CCDC73: variants seen among roughly 807,000 people sequenced by gnomAD.
CCDC73 encodes the protein coiled-coil domain containing 73.
CCDC73 carries 95 observed loss-of-function variants against 116.5 expected under a neutral mutation model. The ratio of observed to expected loss-of-function variants is 0.82; its 90% confidence interval spans 0.69 to 0.97. The LOEUF is 0.97. Among genes scored for constraint, CCDC73 ranks in the 50% least tolerant of loss-of-function variants. The probability of loss-of-function intolerance (pLI) is 0.00; values close to 1 mark genes in which losing one functional copy is unlikely to be tolerated. For missense variants in CCDC73, 1,066 were observed against 1,206.8 expected, an observed-to-expected ratio of 0.88 and a Z score of 1.73; for synonymous variants, 398 against 401.3, an observed-to-expected ratio of 0.99 and a Z score of 0.10.
intron 14 of CCDC73, among the ~76,000 whole-genome samples, chr11:32,622,796 G>A (rs1436191642): frequency 6.6e-6 from 1 of 151,172 alleles, no homozygotes; most frequent in Non-Finnish European, 1.5e-5. Flanking sequence ...TCAATTAATG[G>A]TATAACTATT....
intron 6 of CCDC73, among the ~76,000 whole-genome samples, chr11:32,685,605 G>A (rs1015821112): frequency 1.3e-5 from 2 of 152,036 alleles, no homozygotes; most frequent in African/African-American, 4.8e-5. Context: ...AAGGCAAGGG[G>A]ACCCAAATCA....
chr11:32,751,064 C>A (rs1045978129), intron 2 of CCDC73, among the ~76,000 whole-genome samples: 4 of 152,196 alleles, frequency 2.6e-5, no homozygotes, highest in Admixed American at 2.6e-4. Context: ...CCCTTCAAGG[C>A]AGCAGGTTTC....
chr11:32,763,506 TC>T (rs1208388101), intron 1 of CCDC73, among the ~76,000 whole-genome samples: 4 of 152,112 alleles, frequency 2.6e-5, no homozygotes, highest in African/African-American at 9.7e-5. Context: ...CCTGAAAGGG[TC>T]TTGAGTGGAC....
intron 1 of CCDC73, among the ~76,000 whole-genome samples, chr11:32,761,038 T>A (rs559360793): frequency 6.6e-6 from 1 of 152,270 alleles, no homozygotes; most frequent in South Asian, 2.1e-4. Context: ...TTCATATAAC[T>A]ATGACCTCAA....
intron 3 of CCDC73, among the ~76,000 whole-genome samples, chr11:32,717,618 A>G (rs1377608865): frequency 6.6e-6 from 1 of 152,246 alleles, no homozygotes; most frequent in African/African-American, 2.4e-5. Flanking sequence ...TAGAAAATTT[A>G]AAAATTAACT....
intron 9 of CCDC73, among the ~76,000 whole-genome samples, chr11:32,658,688 A>G (rs1333608970): frequency 6.6e-6 from 1 of 152,180 alleles, no homozygotes; most frequent in Non-Finnish European, 1.5e-5. Flanking sequence ...AGAAAAGAAC[A>G]CTGGCTAAGA....
intron 2 of CCDC73, among the ~76,000 whole-genome samples, chr11:32,728,142 T>C (rs1357545927): frequency 6.6e-6 from 1 of 151,952 alleles, no homozygotes; most frequent in East Asian, 1.9e-4. Flanking sequence ...TCCCAGCTAC[T>C]CAGGAGGCTG....
intron 2 of CCDC73, among the ~76,000 whole-genome samples, chr11:32,758,903 A>T (rs1344337510): frequency 1.3e-5 from 2 of 152,166 alleles, no homozygotes; most frequent in African/African-American, 2.4e-5. Context: ...CTTAAAACAG[A>T]CTTTTATTAC....
At chr11:32,648,335 C>G (rs1855796553) in intron 12 of CCDC73, among the ~76,000 whole-genome samples, 1 of 152,154 alleles carries the variant, frequency 6.6e-6, no homozygotes. Flanking sequence ...ATATTAGTGT[C>G]ATTTTATTGC....
chr11:32,825,682 G>A, the CCDC73 span, among the ~76,000 whole-genome samples: 1 of 152,114 alleles, frequency 6.6e-6, no homozygotes, highest in Admixed American at 6.5e-5. Context: ...TTTTTCACAT[G>A]TGTTTGGAAA....
rs1009210810 is a variant in CCDC73 at position 32,642,070 on chromosome 11, C to T, written c.952G>A (p.Asp318Asn). The change falls in exon 13 of 18, where the codon GAT becomes AAT. Residue 318 changes from aspartate to asparagine, a missense_variant. Physicochemically the swap from Asp to Asn is conservative, Grantham distance 23. Transcript: ENST00000335185. ...ACCTTCTCCCTTTGCAGCTCATTAT[C>T]TCTTTCAAGGGTCTGCAATAAAATT... ...LKENNQTLER[D>N]NELQREKVKE... 1.3e-6 allele frequency: 2 copies of T among 1,557,842 alleles called. No homozygotes were observed. The highest frequency in any genetic ancestry group is 1.7e-6 in the Non-Finnish European group (2 of 1,153,028).
chr11:32,651,207 A>T (rs967546802), intron 12 of CCDC73, among the ~76,000 whole-genome samples: 2 of 151,906 alleles, frequency 1.3e-5, no homozygotes, highest in Non-Finnish European at 2.9e-5. Context: ...CAAATGGGTG[A>T]CTCTCAAGGG....
At chr11:32,808,803 GTTAA>G in the CCDC73 span, among the ~76,000 whole-genome samples, 1 of 152,254 alleles carries the variant, frequency 6.6e-6, no homozygotes, top group African/African-American at 2.4e-5. Flanking sequence ...AATAATATAT[GTTAA>G]TTGTTTAATG....
At chr11:32,816,081 G>A in the CCDC73 span, among the ~76,000 whole-genome samples, 1 of 152,202 alleles carries the variant, frequency 6.6e-6, no homozygotes, top group Non-Finnish European at 1.5e-5. Flanking sequence ...AGATGGTACT[G>A]CCATTTTCTG....
chr11:32,803,274 A>G, the CCDC73 span, among the ~76,000 whole-genome samples: 1 of 151,748 alleles, frequency 6.6e-6, no homozygotes, highest in African/African-American at 2.4e-5. Flanking sequence ...TATTTTTAGT[A>G]GACACGGGGC....
chr11:32,763,199 G>A (rs1441651599), intron 1 of CCDC73, among the ~76,000 whole-genome samples: 1 of 152,226 alleles, frequency 6.6e-6, no homozygotes, highest in Non-Finnish European at 1.5e-5. Context: ...AAAGGCAGCA[G>A]CAACCTCTGC....
intron 6 of CCDC73, among the ~76,000 whole-genome samples, chr11:32,689,577 A>G (rs975803025): frequency 1.3e-5 from 2 of 152,110 alleles, no homozygotes; most frequent in Non-Finnish European, 1.5e-5. Flanking sequence ...AAAATATAAG[A>G]CACTAGAAAA....
chr11:32,669,879 G>A (rs1856020311), intron 9 of CCDC73, among the ~76,000 whole-genome samples: 1 of 152,134 alleles, frequency 6.6e-6, no homozygotes, highest in South Asian at 2.1e-4. Flanking sequence ...GGACACTTGG[G>A]TTGCTTTCGA....
rs758060250 is a variant in CCDC73, at chr11:32,613,736, CCTT to C, written c.2579_2581del (p.Glu860del). The stretch of plus-strand genomic sequence containing the variant: ...AAATGAATGTGATTCCTCCAGCTGT[CCTT>C]CACTGAACATTTTTCCTGAAACAAT... On this transcript the variant is annotated inframe_deletion, in exon 16 of 18. Transcript: ENST00000335185. 1.2e-6 allele frequency: 2 copies of C among 1,614,012 alleles called. No individual in the cohort carries two copies. The highest frequency in any genetic ancestry group is 2.2e-5 in the East Asian group (1 of 44,872).
Sources: allele counts gnomAD v4.1 joint callset (sites outside exome capture counted in the v4.1 genomes callset), GRCh38; gene constraint gnomAD v4.1.1; transcripts MANE v1.5; gene names NCBI Gene and HGNC (gene_info 2026-07-23, HGNC 2026-07-21).